XKR9: variants seen among roughly 807,000 people sequenced by gnomAD.
The protein encoded by XKR9 is XK related 9.
Under a neutral mutation model 32.0 loss-of-function variants are expected in XKR9, and 32 were observed. The ratio of observed to expected loss-of-function variants is 1.00; its 90% confidence interval spans 0.76 to 1.34. XKR9 has a LOEUF of 1.34. Among genes scored for constraint, XKR9 ranks in the 40% most tolerant of loss-of-function variants. The pLI is 0.00. For synonymous variants in XKR9, 168 were observed against 143.4 expected (o/e 1.17, Z -1.22); for missense variants, 546 against 429.7 (o/e 1.27, Z -2.39).
At chr8:70,748,557 G>T (rs533859228) in intron 2 of XKR9, among the ~76,000 whole-genome samples, 1 of 152,352 alleles carries the variant, frequency 6.6e-6, no homozygotes, top group East Asian at 1.9e-4. Flanking sequence ...AGGGAGGCTG[G>T]TGGGGGCTGA....
At chr8:70,769,535 CCAA>C (rs1315769794) in intron 2 of XKR9, among the ~76,000 whole-genome samples, 7 of 152,060 alleles carry the variant, frequency 4.6e-5, no homozygotes, top group Admixed American at 3.3e-4. Flanking sequence ...AGTGTGTTTT[CCAA>C]CTTGGTTCCA....
the XKR9 span, among the ~76,000 whole-genome samples, chr8:70,873,386 T>C: frequency 1.3e-5 from 2 of 152,168 alleles, no homozygotes; most frequent in African/African-American, 4.8e-5. Context: ...GCAAAATAAA[T>C]GGAAAACTTC....
intron 3 of XKR9, among the ~76,000 whole-genome samples, chr8:70,700,493 A>C (rs1018148824): frequency 2.0e-5 from 3 of 152,200 alleles, no homozygotes; most frequent in Non-Finnish European, 4.4e-5. Flanking sequence ...GCTGCAGCAC[A>C]GCGGATTTTC....
intron 2 of XKR9, among the ~76,000 whole-genome samples, chr8:70,753,450 G>A (rs1367051889): frequency 2.0e-5 from 3 of 152,158 alleles, no homozygotes; most frequent in Non-Finnish European, 4.4e-5. Context: ...AAGCCTGGCA[G>A]AGACACAACC....
the XKR9 span, among the ~76,000 whole-genome samples, chr8:70,819,867 A>G: frequency 0.58 from 88,500 of 151,900 alleles, 26,248 homozygotes; most frequent in Admixed American, 0.7. Context: ...CCAAAGATGA[A>G]AAGAAACCCT....
the XKR9 span, among the ~76,000 whole-genome samples, chr8:70,799,497 A>AT: frequency 6.6e-6 from 1 of 151,714 alleles, no homozygotes; most frequent in African/African-American, 2.4e-5. Context: ...TGCCCAGCTA[A>AT]TTTTTTTGTA....
intron 4 of XKR9, among the ~76,000 whole-genome samples, chr8:70,720,529 A>G (rs191437142): frequency 2.6e-5 from 4 of 152,286 alleles, no homozygotes; most frequent in Admixed American, 2.6e-4. Context: ...ATTGTATTGA[A>G]GGCCTTTTCT....
chr8:70,997,113 C>T, the XKR9 span, among the ~76,000 whole-genome samples: 1 of 152,158 alleles, frequency 6.6e-6, no homozygotes, highest in Non-Finnish European at 1.5e-5. Context: ...GCCTGGCCAA[C>T]ATGGCGAATC....
At chr8:70,909,035 A>G in the XKR9 span, among the ~76,000 whole-genome samples, 1 of 151,948 alleles carries the variant, frequency 6.6e-6, no homozygotes, top group Non-Finnish European at 1.5e-5. Flanking sequence ...AATCCCTACC[A>G]CCATTTCCCC....
At chr8:70,701,653 G>T (rs1805541074) in intron 3 of XKR9, among the ~76,000 whole-genome samples, 2 of 152,142 alleles carry the variant, frequency 1.3e-5, no homozygotes, top group East Asian at 3.8e-4. Flanking sequence ...TCCAGGCTAA[G>T]TATTGCAAAA....
At chr8:70,710,156 T>C (rs56099911) in intron 4 of XKR9, among the ~76,000 whole-genome samples, 48,291 of 152,006 alleles carry the variant, frequency 0.32, 9,056 homozygotes, top group Non-Finnish European at 0.43. Context: ...AACCATCTGA[T>C]CTTCGACAGA....
the XKR9 span, among the ~76,000 whole-genome samples, chr8:70,914,143 T>C: frequency 1.3e-5 from 2 of 152,302 alleles, no homozygotes; most frequent in South Asian, 4.1e-4. Context: ...TAGCTCACTG[T>C]AGCCTTGGTT....
chr8:70,912,076 A>T, the XKR9 span, among the ~76,000 whole-genome samples: 1 of 152,168 alleles, frequency 6.6e-6, no homozygotes, highest in Non-Finnish European at 1.5e-5. Flanking sequence ...TGGCAAAAGT[A>T]TATATGTTAC....
chr8:70,936,912 T>G, the XKR9 span, among the ~76,000 whole-genome samples: 1 of 152,114 alleles, frequency 6.6e-6, no homozygotes, highest in Non-Finnish European at 1.5e-5. Context: ...AAAAATGTAC[T>G]GTCTTATTTC....
At chr8:70,712,910 C>G (rs1805967595) in intron 4 of XKR9, among the ~76,000 whole-genome samples, 1 of 151,846 alleles carries the variant, frequency 6.6e-6, no homozygotes, top group African/African-American at 2.4e-5. Context: ...AAAAGTTTGA[C>G]AGTAGTTTAT....
chr8:70,945,898 C>T, the XKR9 span, among the ~76,000 whole-genome samples: 1,474 of 152,234 alleles, frequency 9.7e-3, 23 homozygotes, highest in African/African-American at 0.034. Context: ...GCACTTTGTG[C>T]GGCCGAGGTG....
At chr8:70,792,048 C>G (rs1807770697), downstream of XKR9, among the ~76,000 whole-genome samples, 1 of 152,044 alleles carries the variant, frequency 6.6e-6, no homozygotes, top group Non-Finnish European at 1.5e-5. Context: ...CAAGCCTGTC[C>G]TTAAGAAAGG....
chr8:70,880,384 A>G, the XKR9 span, among the ~76,000 whole-genome samples: 12 of 152,204 alleles, frequency 7.9e-5, no homozygotes, highest in Non-Finnish European at 1.3e-4. Context: ...CCATCATCTC[A>G]GCCCCAAATC....
chr8:70,820,490 A>G, the XKR9 span, among the ~76,000 whole-genome samples: 8 of 152,292 alleles, frequency 5.3e-5, no homozygotes, highest in South Asian at 1.4e-3. Flanking sequence ...TGATAGAGGG[A>G]GCAAGAGAGG....
Sources: gnomAD v4.1 joint callset for allele counts (sites outside exome capture counted in the v4.1 genomes callset) on GRCh38, gnomAD v4.1.1 for gene constraint, MANE v1.5 for transcripts, NCBI Gene and HGNC (gene_info 2026-07-23, HGNC 2026-07-21) for gene names.